Variants in NPTN observed in about 807,000 individuals in gnomAD.
The protein encoded by NPTN is SDR-1.
NPTN carries 5 observed loss-of-function variants against 42.7 expected under a neutral mutation model. The observed-to-expected ratio is 0.12, with a 90% CI of 0.06 to 0.25. The LOEUF is 0.25. Ranked by LOEUF, NPTN falls within the 10% of genes least tolerant of loss-of-function variation. The probability of loss-of-function intolerance (pLI) is 1.00; values close to 1 mark genes in which losing one functional copy is unlikely to be tolerated. For synonymous variants in NPTN, 180 were observed against 201.9 expected (o/e 0.89, Z 0.92); for missense variants, 307 against 525.4 (o/e 0.58, Z 4.06).
chr15:73,596,392 A>G (rs1241933961), intron 2 of NPTN, among the ~76,000 whole-genome samples: 1 of 152,140 alleles, frequency 6.6e-6, no homozygotes, highest in East Asian at 1.9e-4. Context: ...ACACCACCAC[A>G]CTGCACCCAT....
At chr15:73,610,363 T>C (rs1897517428) in intron 1 of NPTN, among the ~76,000 whole-genome samples, 2 of 152,218 alleles carry the variant, frequency 1.3e-5, no homozygotes, top group African/African-American at 2.4e-5. Flanking sequence ...CCCAAAGTAC[T>C]GGGATTACAG....
Position 73,633,180 on chromosome 15 carries a change from G to T in NPTN, c.36C>A (p.Leu12=), listed in dbSNP as rs868044042. The change falls in exon 1 of 9, where the codon CTC becomes CTA. Residue 12 remains leucine (L), a synonymous_variant. Transcript: ENST00000345330. ...GGGAGCCAGAGACCAGCAACAGCGA[G>T]AGGGCCAGGGCGCTGGGCAGCGACG... ...SGSSLPSALA[L]SLLLVSGSLL... 3.3e-6 allele frequency: 5 copies of T among 1,523,864 alleles called. No homozygotes were observed. Among genetic ancestry groups the T allele is most frequent in the Non-Finnish European group, 4.4e-6 (5 of 1,141,878 alleles). 94.4% of individuals were successfully genotyped at this position (1,523,864 alleles called of 1,614,324 possible).
intron 7 of NPTN, among the ~76,000 whole-genome samples, chr15:73,562,489 C>G (rs868843955): frequency 1.3e-5 from 2 of 152,202 alleles, no homozygotes; most frequent in Non-Finnish European, 2.9e-5. Context: ...CCACTGAACA[C>G]AACACCACTG....
intron 8 of NPTN, among the ~76,000 whole-genome samples, chr15:73,561,356 G>A (rs1894651865): frequency 6.6e-6 from 1 of 152,174 alleles, no homozygotes; most frequent in South Asian, 2.1e-4. Context: ...TATGTCTTCT[G>A]AAATGGCATT....
chr15:73,579,459 G>A (rs967845329), intron 4 of NPTN, among the ~76,000 whole-genome samples: 1 of 151,536 alleles, frequency 6.6e-6, no homozygotes, highest in African/African-American at 2.4e-5. Flanking sequence ...CCAGTTATTG[G>A]CAATAGTACT....
intron 6 of NPTN, chr15:73,568,432 G>C: frequency 2.0e-6 from 2 of 985,380 alleles, no homozygotes; most frequent in Non-Finnish European, 2.4e-6. Context: ...GCATTCTGGG[G>C]GGATAAAAAG....
intron 5 of NPTN, among the ~76,000 whole-genome samples, chr15:73,571,939 C>T (rs1362489845): frequency 6.6e-6 from 1 of 152,228 alleles, no homozygotes; most frequent in Non-Finnish European, 1.5e-5. Flanking sequence ...TTAATTCCAA[C>T]CTGCTTTGGC....
chr15:73,586,936 T>C (rs1218781589), intron 4 of NPTN, among the ~76,000 whole-genome samples: 2 of 152,242 alleles, frequency 1.3e-5, no homozygotes, highest in African/African-American at 4.8e-5. Context: ...AAATTTATGA[T>C]GTTGGGTAGC....
At chr15:73,605,111 G>GGGGGA (rs1555410813) in intron 1 of NPTN, among the ~76,000 whole-genome samples, 1 of 140,574 alleles carries the variant, frequency 7.1e-6, no homozygotes, top group Non-Finnish European at 1.5e-5. Context: ...GGGGGGGGGG[G>GGGGGA]AAAAGAATGA....
At chr15:73,615,159 T>A (rs1309369557) in intron 1 of NPTN, among the ~76,000 whole-genome samples, 1 of 150,538 alleles carries the variant, frequency 6.6e-6, no homozygotes, top group East Asian at 1.9e-4. Context: ...TAACAATCTT[T>A]TTTTTTTTTT....
chr15:73,564,416 C>T (rs530879187), intron 6 of NPTN, among the ~76,000 whole-genome samples: 1 of 152,234 alleles, frequency 6.6e-6, no homozygotes, highest in South Asian at 2.1e-4. Flanking sequence ...TCCACCTGTT[C>T]CTTCGAGGCA....
chr15:73,562,109 T>TA, intron 7 of NPTN, 139 bp from the exon 8 acceptor site: 1 of 644,826 alleles, frequency 1.6e-6, no homozygotes, highest in Non-Finnish European at 2.8e-6. Context: ...TATGAGTGCA[T>TA]AAAAAAACAT....
At chr15:73,601,837 G>T (rs1897097169) in intron 1 of NPTN, among the ~76,000 whole-genome samples, 1 of 152,184 alleles carries the variant, frequency 6.6e-6, no homozygotes, top group Non-Finnish European at 1.5e-5. Flanking sequence ...GGGAGGAAGA[G>T]ACTAGAAGCT....
chr15:73,624,576 C>CT (rs763027102), intron 1 of NPTN, among the ~76,000 whole-genome samples: 1 of 152,068 alleles, frequency 6.6e-6, no homozygotes, highest in Non-Finnish European at 1.5e-5. Context: ...ATCTTGTTGC[C>CT]TTTTTTTCCT....
At chr15:73,567,029 A>C in intron 6 of NPTN, 3 of 954,686 alleles carry the variant, frequency 3.1e-6, no homozygotes, top group Non-Finnish European at 3.7e-6. Flanking sequence ...TTTTTAAAGG[A>C]AGCAGCTAAA....
At chr15:73,584,287 G>A (rs1896204914) in intron 4 of NPTN, among the ~76,000 whole-genome samples, 1 of 152,088 alleles carries the variant, frequency 6.6e-6, no homozygotes, top group African/African-American at 2.4e-5. Flanking sequence ...TAATCAAAAT[G>A]GTTAAGGGAT....
chr15:73,632,115 CCT>C (rs1762587654), intron 1 of NPTN, among the ~76,000 whole-genome samples: 1 of 152,116 alleles, frequency 6.6e-6, no homozygotes, highest in African/African-American at 2.4e-5. Context: ...GCTATGTGTC[CCT>C]GTTTTCCCAA....
Position 73,570,328 on chromosome 15 carries a change from G to C in NPTN, c.936C>G (p.Gly312=), listed in dbSNP as rs1595898611. The C allele has an allele frequency of 6.2e-7, 1 of 1,614,186 alleles. No individual in the cohort carries two copies. The highest frequency in any genetic ancestry group is 8.5e-7 in the Non-Finnish European group (1 of 1,180,040). ...IVNLQITEDP[G]EYECNATNAI... is the part of the protein sequence containing the mutation. ...CGTTGGTGGCATTACATTCATACTC[G>C]CCAGGGTCTTCCGTGATCTGCAGGT... is the stretch of plus-strand genomic sequence containing the variant. The change falls in exon 6 of 9, where the codon GGC becomes GGG. Residue 312 remains glycine, a synonymous_variant. Coordinates refer to ENST00000345330, the MANE Select transcript of NPTN (RefSeq NM_012428.4). This position sits in a 1 kb window ranked among gnomAD's most constrained non-coding sequence, Gnocchi z 4.0.
At chr15:73,612,591 C>T (rs921625961) in intron 1 of NPTN, among the ~76,000 whole-genome samples, 1 of 151,990 alleles carries the variant, frequency 6.6e-6, no homozygotes, top group African/African-American at 2.4e-5. Context: ...CATGGTGAAA[C>T]CCCGCCTCTA....
Sources: allele counts gnomAD v4.1 joint callset (sites outside exome capture counted in the v4.1 genomes callset), GRCh38; gene constraint gnomAD v4.1.1; non-coding constraint Gnocchi (gnomAD v3.1); transcripts MANE v1.5; gene names NCBI Gene and HGNC (gene_info 2026-07-23, HGNC 2026-07-21).